INTS14: variants seen among roughly 807,000 people sequenced by gnomAD.
INTS14 encodes the protein UPF0464 protein C15orf44.
Under a neutral mutation model 56.9 loss-of-function variants are expected in INTS14, and 27 were observed. That is an observed-to-expected ratio of 0.47 (90% CI 0.35 to 0.65). The LOEUF (loss-of-function observed/expected upper bound fraction) is 0.65. Among genes scored for constraint, INTS14 ranks in the 30% least tolerant of loss-of-function variants. INTS14 has a pLI of 0.00. For missense variants in INTS14, 517 were observed against 632.2 expected (o/e 0.82, Z 1.95); for synonymous variants, 207 against 236.2 (o/e 0.88, Z 1.13).
chr15:65,587,735 ATTTGGGAGGCTAAGGTGGAGGATTGC>A (rs2141262605), intron 9 of INTS14, among the ~76,000 whole-genome samples: 1 of 152,140 alleles, frequency 6.6e-6, no homozygotes, highest in Non-Finnish European at 1.5e-5. Context: ...AATCCCAACA[ATTTGGGAGGCTAAGGTGGAGGATTGC>A]TTTAGCCCAG....
At chr15:65,595,917 T>C (rs1709732554) in intron 6 of INTS14, 92 bp from the exon 7 acceptor site, 1 of 982,994 alleles carries the variant, frequency 1.0e-6, no homozygotes, top group South Asian at 1.7e-5. Flanking sequence ...ACTGTTTAGG[T>C]TGGGGTTTCA....
intron 11 of INTS14, 115 bp from the exon 12 acceptor site, chr15:65,579,774 A>C (rs1338667321): frequency 7.2e-7 from 1 of 1,394,962 alleles, no homozygotes. Context: ...GCAATTTTAT[A>C]TGAGAACAAA....
At chr15:65,598,762 G>A (rs888428513) in intron 5 of INTS14, 110 bp downstream of exon 5, 1 of 943,582 alleles carries the variant, frequency 1.1e-6, no homozygotes, top group African/African-American at 1.7e-5. Context: ...GTACAACTTG[G>A]GGAAAATGAA....
Position 65,595,865 on chromosome 15 carries a change from G to C in INTS14, c.749-40C>G, listed in dbSNP as rs1169189856. The C allele has an allele frequency of 2.7e-6, 4 of 1,473,884 alleles. No individual in the cohort carries two copies. The African/African-American group carries it at 4.3e-5, about 16-fold the overall frequency. 91.3% of individuals were successfully genotyped at this position (1,473,884 alleles called of 1,614,324 possible). ...TCAACACAGAATTAATTCATTCTAT[G>C]GAAAAGTACATTATTTTCCATGTAT... On this transcript the variant is annotated intron_variant, in intron 6 of 11. Coordinates refer to ENST00000313182, the MANE Select transcript of INTS14 (RefSeq NM_001394796.1).
intron 3 of INTS14, among the ~76,000 whole-genome samples, chr15:65,603,179 A>G (rs1355690438): frequency 6.6e-6 from 1 of 152,220 alleles, no homozygotes; most frequent in Non-Finnish European, 1.5e-5. Flanking sequence ...TATTTCAGAA[A>G]AGAAATTGAT....
intron 9 of INTS14, among the ~76,000 whole-genome samples, chr15:65,590,554 T>C (rs1017967229): frequency 1.3e-5 from 2 of 152,236 alleles, no homozygotes; most frequent in African/African-American, 2.4e-5. Flanking sequence ...TTGCCCAGGA[T>C]GCCCTTTCTT....
intron 2 of INTS14, among the ~76,000 whole-genome samples, chr15:65,606,071 C>T (rs1027034622): frequency 6.6e-6 from 1 of 150,956 alleles, no homozygotes; most frequent in Non-Finnish European, 1.5e-5. Flanking sequence ...CTGGCTAACA[C>T]GGTGAAACCC....
In INTS14 at chr15:65,595,853, A is replaced by C. The variant is rs374858128; in HGVS notation, c.749-28T>G. On this transcript the variant is annotated intron_variant, in intron 6 of 11. Coordinates refer to ENST00000313182, the MANE Select transcript of INTS14 (RefSeq NM_001394796.1). ...GAAATGAAGGAATCAACACAGAATT[A>C]ATTCATTCTATGGAAAAGTACATTA... 175 of 1,511,020 alleles carry C rather than the reference A, an allele frequency of 1.2e-4. No homozygotes were observed. In the African/African-American group the frequency reaches 2.1e-3, roughly 18 times the overall value. 93.6% of individuals were successfully genotyped at this position (1,511,020 alleles called of 1,614,324 possible). A position where few individuals can be genotyped will look rare whatever the true frequency, so the allele number is the denominator to read the frequency against.
chr15:65,609,340 C>G (rs1444284038), intron 1 of INTS14, among the ~76,000 whole-genome samples: 1 of 151,442 alleles, frequency 6.6e-6, no homozygotes, highest in Non-Finnish European at 1.5e-5. Context: ...TAAGCATAGG[C>G]GTAAAAGAAG....
chr15:65,607,152 T>C lies in INTS14; in HGVS notation c.222+7A>G. The C allele has an allele frequency of 6.2e-7, 1 of 1,612,992 alleles. No individual in the cohort carries two copies. Among genetic ancestry groups the C allele is most frequent in the Non-Finnish European group, 8.5e-7 (1 of 1,179,006 alleles). ...CTGTACATACAATAACTTACTACAT[T>C]TTGTACCTGTAGGGTATTATAATCT... On this transcript the variant is annotated splice_region_variant and intron_variant, in intron 2 of 11. Transcript: ENST00000313182.
At chr15:65,602,205 C>T (rs1043492836) in intron 3 of INTS14, among the ~76,000 whole-genome samples, 25 of 151,792 alleles carry the variant, frequency 1.6e-4, no homozygotes, top group African/African-American at 5.1e-4. Flanking sequence ...TGCCACTGCA[C>T]TCAAGCCTGG....
At chr15:65,582,562 C>T (rs1242617502) in intron 10 of INTS14, among the ~76,000 whole-genome samples, 1 of 151,926 alleles carries the variant, frequency 6.6e-6, no homozygotes, top group Non-Finnish European at 1.5e-5. Flanking sequence ...GCCTGGGCAA[C>T]GTAGTGAGAT....
At position 65,582,018 on chromosome 15, in the gene INTS14, G is replaced by C; in HGVS notation, c.1241C>G (p.Thr414Arg). The change falls in exon 11 of 12, where the codon ACA becomes AGA. Residue 414 changes from threonine to arginine, a missense_variant and splice_region_variant. By Grantham distance (71) the Thr-to-Arg change is moderately conservative (BLOSUM62 -1). Coordinates refer to ENST00000313182, the MANE Select transcript of INTS14 (RefSeq NM_001394796.1). ...TVWIKPSGLQ[T>R]DVQKILRNAR... The stretch of plus-strand genomic sequence containing the variant: ...ATTTCTTAAAATCTTCTGTACATCT[G>C]TCTATTAAGGGTAAAAAAAAAAATC... 6.3e-7 allele frequency: 1 copy of C among 1,595,538 alleles called. No individual in the cohort carries two copies. The highest frequency in any genetic ancestry group is 8.5e-7 in the Non-Finnish European group (1 of 1,174,802).
chr15:65,607,630 C>T (rs2073704618), intron 1 of INTS14, among the ~76,000 whole-genome samples, 188 bp from the exon 2 acceptor site: 1 of 152,108 alleles, frequency 6.6e-6, no homozygotes, highest in South Asian at 2.1e-4. Context: ...CTCTTAGAAT[C>T]ACCCATTAAG....
chr15:65,605,226 C>A lies in INTS14; in HGVS notation c.233G>T (p.Ser78Ile). The change falls in exon 3 of 12, where the codon AGT becomes ATT. Residue 78 changes from serine (S) to isoleucine (I), a missense_variant. Physicochemically the swap from Ser to Ile is moderately radical, Grantham distance 142. Transcript: ENST00000313182. ...GGTTTTGTCATAATCATCCATATTA[C>A]TTAGTGCTTCCTTATTGAATAAAAG... The part of the protein sequence containing the change: ...RDYNTLQEAL[S>I]NMDDYDKTCL... 1 of 1,612,650 alleles carries A rather than the reference C, an allele frequency of 6.2e-7. No individual in the cohort carries two copies. Among genetic ancestry groups the A allele is most frequent in the South Asian group, 1.1e-5 (1 of 91,032 alleles).
In INTS14 at chr15:65,601,000, T is replaced by G. The variant is rs150143684; in HGVS notation, c.331-1071A>C. ...ATATGGAATGAAGATTCATTTCACA[T>G]GTGCTCCTAGGAAGTACCAGCACAG... On this transcript the variant is annotated intron_variant, in intron 3 of 11. Coordinates refer to ENST00000313182, the MANE Select transcript of INTS14 (RefSeq NM_001394796.1). 2.9e-3 allele frequency among the ~76,000 whole-genome samples: 444 copies of G among 152,318 alleles called. 3 individuals carry two copies. The highest frequency in any genetic ancestry group is 0.01 in the African/African-American group (422 of 41,574).
intron 3 of INTS14, among the ~76,000 whole-genome samples, chr15:65,603,472 G>C (rs1275771396): frequency 6.6e-6 from 1 of 151,932 alleles, no homozygotes; most frequent in Non-Finnish European, 1.5e-5. Context: ...TGACTCCCAG[G>C]CAACTACAAT....
chr15:65,595,945 A>C (rs560345029), intron 6 of INTS14, 120 bp from the exon 7 acceptor site: 2 of 689,764 alleles, frequency 2.9e-6, no homozygotes, highest in East Asian at 3.1e-5. Context: ...TGACTGGGAA[A>C]GTTATTAGAT....
At chr15:65,610,382 CCA>C (rs2073859922) in intron 1 of INTS14, among the ~76,000 whole-genome samples, 2 of 152,262 alleles carry the variant, frequency 1.3e-5, no homozygotes, top group African/African-American at 4.8e-5. Flanking sequence ...TCCCTGCCCA[CCA>C]CAGTCTACCA....
Sources: gnomAD v4.1 joint callset for allele counts (sites outside exome capture counted in the v4.1 genomes callset) on GRCh38, gnomAD v4.1.1 for gene constraint, MANE v1.5 for transcripts, NCBI Gene and HGNC (gene_info 2026-07-23, HGNC 2026-07-21) for gene names.